C12orf60: variants seen among roughly 807,000 people sequenced by gnomAD.
C12orf60 encodes chromosome 12 open reading frame 60.
For synonymous variants in C12orf60, 102 were observed against 94.6 expected (o/e 1.08, Z -0.45); for missense variants, 284 against 283.2 (o/e 1.00, Z -0.02).
intron 1 of C12orf60, among the ~76,000 whole-genome samples, chr12:14,819,404 A>G (rs1950272510): frequency 2.0e-5 from 3 of 152,180 alleles, no homozygotes; most frequent in Non-Finnish European, 1.5e-5. Context: ...AAAATTACTA[A>G]TAGCTCTAAG....
In C12orf60 at chr12:14,806,681, A is replaced by G. The variant is rs774846552; in HGVS notation, c.-25+2930A>G. On this transcript the variant is annotated intron_variant, in intron 1 of 1. Transcript: ENST00000330828. ...GGTAAAGGAAGTCACTTTGGGCCAT[A>G]TTTCCAATATGATCGCTGAAAAATA... 123 of 1,569,752 alleles carry G rather than the reference A, an allele frequency of 7.8e-5. No individual in the cohort carries two copies. In the East Asian group the frequency reaches 2.7e-3, roughly 34 times the overall value.
intron 1 of C12orf60, among the ~76,000 whole-genome samples, chr12:14,821,322 C>T (rs992572684): frequency 2.6e-5 from 4 of 152,164 alleles, no homozygotes. Flanking sequence ...TGTACCCTCT[C>T]AGAGTTCTCA....
At chr12:14,816,830 C>T (rs1182249162) in intron 1 of C12orf60, among the ~76,000 whole-genome samples, 1 of 151,346 alleles carries the variant, frequency 6.6e-6, no homozygotes, top group African/African-American at 2.4e-5. Context: ...CTGCATCCTC[C>T]GCCTCCCAGG....
chr12:14,817,765 G>A (rs901546773), intron 1 of C12orf60, among the ~76,000 whole-genome samples: 1 of 151,862 alleles, frequency 6.6e-6, no homozygotes, highest in African/African-American at 2.4e-5. Flanking sequence ...TGTCTTTGCT[G>A]TTGTAAATAG....
chr12:14,805,928 A>T (rs1950040504), intron 1 of C12orf60: 1 of 1,400,476 alleles, frequency 7.1e-7, no homozygotes, highest in Non-Finnish European at 9.7e-7. Flanking sequence ...ATAGAAAATG[A>T]ACCTAATCAA....
intron 1 of C12orf60, among the ~76,000 whole-genome samples, chr12:14,820,942 G>T (rs1950296098): frequency 6.6e-6 from 1 of 151,882 alleles, no homozygotes; most frequent in Non-Finnish European, 1.5e-5. Context: ...TATTGTAAAG[G>T]TCATTGTTTT....
At chr12:14,819,527 CT>C (rs1163513519) in intron 1 of C12orf60, among the ~76,000 whole-genome samples, 4 of 152,078 alleles carry the variant, frequency 2.6e-5, no homozygotes, top group Non-Finnish European at 2.9e-5. Flanking sequence ...TCCCACATCA[CT>C]TTCTAGGATT....
chr12:14,812,168 G>T (rs1950149695), intron 1 of C12orf60, among the ~76,000 whole-genome samples: 1 of 152,176 alleles, frequency 6.6e-6, no homozygotes, highest in South Asian at 2.1e-4. Context: ...TATTTGGCCG[G>T]GCGTGGTGGC....
chr12:14,822,827 T>G, intron 1 of C12orf60, 85 bp from the exon 2 acceptor site: 1 of 1,211,838 alleles, frequency 8.3e-7, no homozygotes, highest in South Asian at 1.6e-5. Flanking sequence ...GGGAGTTATC[T>G]TCATATTTAG....
At chr12:14,807,023 G>A (rs1421501846) in intron 1 of C12orf60, among the ~76,000 whole-genome samples, 1 of 152,092 alleles carries the variant, frequency 6.6e-6, no homozygotes, top group Non-Finnish European at 1.5e-5. Context: ...GTAGAGACAG[G>A]GTTTCATCAT....
chr12:14,808,199 A>T (rs569255397), intron 1 of C12orf60, among the ~76,000 whole-genome samples: 7 of 152,154 alleles, frequency 4.6e-5, no homozygotes, highest in Admixed American at 1.3e-4. Flanking sequence ...ACATCATAGA[A>T]TGAATAAAAT....
At chr12:14,806,197 T>C (rs1164277229) in intron 1 of C12orf60, 3 of 1,614,120 alleles carry the variant, frequency 1.9e-6, no homozygotes, top group Admixed American at 3.3e-5. Context: ...ACTCCAATAC[T>C]ACCAAGGAGA....
intron 1 of C12orf60, among the ~76,000 whole-genome samples, chr12:14,804,092 TTAG>T (rs2137247926): frequency 6.6e-6 from 1 of 152,312 alleles, no homozygotes; most frequent in South Asian, 2.1e-4. Context: ...TTATTATTTG[TTAG>T]TAGTGTTTTG....
Position 14,823,464 on chromosome 12 carries a change from C to T in C12orf60, c.529C>T (p.Pro177Ser), listed in dbSNP as rs566135792. 6.2e-7 allele frequency: 1 copy of T among 1,610,548 alleles called. No individual in the cohort carries two copies. The highest frequency in any genetic ancestry group is 1.4e-5 in the African/African-American group (1 of 73,300). Reference sequence around the variant, plus strand: ...CACATCTGAGAGAACCAGAAGTCCTCCAGGTTCTTCCAAAACCACTATGAT... The same window carrying T: ...CACATCTGAGAGAACCAGAAGTCCTTCAGGTTCTTCCAAAACCACTATGAT... ...VTTSERTRSPPGSSKTTMIDT... is the reference protein window; with the variant it reads ...VTTSERTRSPSGSSKTTMIDT... The change falls in exon 2 of 2, where the codon CCA (proline) becomes TCA (serine). Residue 177 changes from proline (P) to serine (S), a missense_variant. Pro to Ser is a moderately conservative substitution (Grantham distance 74, BLOSUM62 -1). Coordinates refer to ENST00000330828, the MANE Select transcript of C12orf60 (RefSeq NM_175874.4).
intron 1 of C12orf60, chr12:14,806,599 A>C: frequency 6.2e-7 from 1 of 1,614,154 alleles, no homozygotes; most frequent in Non-Finnish European, 8.5e-7. Context: ...TCAGATAAGC[A>C]ATCAAGAAGC....
chr12:14,814,350 T>C (rs1950185832), intron 1 of C12orf60, among the ~76,000 whole-genome samples: 1 of 152,212 alleles, frequency 6.6e-6, no homozygotes, highest in Non-Finnish European at 1.5e-5. Context: ...GTATACAGTA[T>C]TAAGTTATAT....
At chr12:14,806,004 C>G (rs375827971) in intron 1 of C12orf60, 1 of 1,596,960 alleles carries the variant, frequency 6.3e-7, no homozygotes, top group Non-Finnish European at 8.5e-7. Context: ...AACGGCTGTT[C>G]ATTTCATTTG....
At chr12:14,813,461 A>G (rs1008405826) in intron 1 of C12orf60, among the ~76,000 whole-genome samples, 1 of 152,234 alleles carries the variant, frequency 6.6e-6, no homozygotes, top group Non-Finnish European at 1.5e-5. Context: ...TCATGATGTG[A>G]TGATATACTT....
chr12:14,803,734 T>G lies in C12orf60; in HGVS notation c.-42T>G, dbSNP rs1458771878. ...TCTCTCGAGTTGGAGGCATCTTGACTTAGTTGCTGGGAGCCTGGTACGTTG... is the reference window on the plus strand; with the variant it reads ...TCTCTCGAGTTGGAGGCATCTTGACGTAGTTGCTGGGAGCCTGGTACGTTG... On this transcript the variant is annotated 5_prime_UTR_variant, in exon 1 of 2. Transcript: ENST00000330828. 1 of 372,908 alleles carries G rather than the reference T, an allele frequency of 2.7e-6. No homozygotes were observed. The highest frequency in any genetic ancestry group is 2.1e-5 in the African/African-American group (1 of 48,146). 23.1% of individuals were successfully genotyped at this position (372,908 alleles called of 1,614,324 possible).
Sources: allele counts gnomAD v4.1 joint callset (sites outside exome capture counted in the v4.1 genomes callset), GRCh38; gene constraint gnomAD v4.1.1; transcripts MANE v1.5; gene names NCBI Gene and HGNC (gene_info 2026-07-23, HGNC 2026-07-21).